The following MAPK10 variants were observed in gnomAD, a reference collection of about 807,000 sequenced individuals.
MAPK10 encodes the protein JNK3 alpha protein kinase.
A neutral mutation model predicts 59.3 loss-of-function variants in MAPK10; 25 were observed. That is an observed-to-expected ratio of 0.42 (90% CI 0.31 to 0.59). The LOEUF (loss-of-function observed/expected upper bound fraction) is 0.59. Among genes scored for constraint, MAPK10 ranks in the 20% least tolerant of loss-of-function variants. The pLI is 0.15. For missense variants in MAPK10, 351 were observed against 568.9 expected (o/e 0.62, Z 3.90); for synonymous variants, 190 against 200.5 (o/e 0.95, Z 0.44).
chr4:86,453,231 A>G (rs1750930975), upstream of MAPK10: 1 of 152,372 alleles, frequency 6.6e-6, no homozygotes, highest in Admixed American at 6.5e-5. Context: ...ATTTCAACTG[A>G]TGGAGAAGTC....
chr4:86,208,897 A>T (rs1464239523), intron 2 of MAPK10, among the ~76,000 whole-genome samples: 1 of 152,156 alleles, frequency 6.6e-6, no homozygotes, highest in African/African-American at 2.4e-5. Context: ...ACAAATCAAT[A>T]GTATCTGATA....
upstream of MAPK10, among the ~76,000 whole-genome samples, chr4:86,363,534 T>C (rs537968688): frequency 1.4e-3 from 218 of 152,346 alleles, no homozygotes; most frequent in African/African-American, 5.0e-3. Context: ...TTGGCAGTTA[T>C]AATTGTACAT....
At chr4:86,201,769 A>G (rs10034428) in intron 2 of MAPK10, among the ~76,000 whole-genome samples, 49,120 of 151,540 alleles carry the variant, frequency 0.32, 10,979 homozygotes, top group African/African-American at 0.64. Context: ...CCAGGTTCAC[A>G]GAGATATTCT....
intron 2 of MAPK10, among the ~76,000 whole-genome samples, chr4:86,233,671 A>C (rs1330638225): frequency 6.6e-6 from 1 of 152,190 alleles, no homozygotes; most frequent in Non-Finnish European, 1.5e-5. Context: ...GCAGAAGTAG[A>C]AAGATACCAC....
intron 2 of MAPK10, among the ~76,000 whole-genome samples, chr4:86,345,540 G>A (rs904495423): frequency 6.6e-6 from 1 of 152,032 alleles, no homozygotes; most frequent in Admixed American, 6.6e-5. Flanking sequence ...CAATATACTC[G>A]GTGAAACTAT....
intron 4 of MAPK10, among the ~76,000 whole-genome samples, chr4:86,145,361 C>CA (rs1166418131): frequency 0.11 from 5,602 of 53,034 alleles, 625 homozygotes; most frequent in Middle Eastern, 0.14. Flanking sequence ...GACACCGTCT[C>CA]AAAAAAAAAA....
intron 9 of MAPK10, among the ~76,000 whole-genome samples, chr4:86,088,849 T>C (rs1195937551): frequency 6.6e-6 from 1 of 152,190 alleles, no homozygotes; most frequent in Admixed American, 6.5e-5. Context: ...TCTTCAGTCT[T>C]AGAACTGAAA....
intron 2 of MAPK10, among the ~76,000 whole-genome samples, chr4:86,270,193 C>T (rs1233237785): frequency 6.6e-6 from 1 of 151,828 alleles, no homozygotes; most frequent in Non-Finnish European, 1.5e-5. Context: ...TAATTCAAAC[C>T]GGAAATTTGG....
intron 11 of MAPK10, among the ~76,000 whole-genome samples, chr4:86,038,125 T>G (rs1254494513): frequency 6.6e-6 from 1 of 152,220 alleles, no homozygotes; most frequent in Non-Finnish European, 1.5e-5. Flanking sequence ...ACAAAGTTGT[T>G]CCTTTGATTC....
chr4:86,292,451 C>T (rs149805749), intron 2 of MAPK10, among the ~76,000 whole-genome samples: 7 of 152,164 alleles, frequency 4.6e-5, no homozygotes, highest in South Asian at 2.1e-4. Flanking sequence ...CTGTGGGCTG[C>T]GCACCCTTTA....
chr4:86,052,711 T>C (rs143130057), intron 11 of MAPK10, among the ~76,000 whole-genome samples: 14 of 152,214 alleles, frequency 9.2e-5, no homozygotes, highest in African/African-American at 3.4e-4. Flanking sequence ...TTGCTGTTGT[T>C]TGAGATAGAG....
intron 1 of MAPK10, among the ~76,000 whole-genome samples, chr4:86,382,760 G>A (rs943869723): frequency 2.0e-5 from 3 of 152,116 alleles, no homozygotes; most frequent in African/African-American, 7.2e-5. Context: ...TGATTCTGCT[G>A]CTCATGAATG....
chr4:86,038,421 A>G (rs1013442762), intron 11 of MAPK10, among the ~76,000 whole-genome samples: 5 of 152,212 alleles, frequency 3.3e-5, no homozygotes, highest in Non-Finnish European at 7.3e-5. Flanking sequence ...CAAAAGATGC[A>G]TGCTTTATTA....
chr4:86,454,323 G>C (rs893427929), upstream of MAPK10, among the ~76,000 whole-genome samples: 1 of 152,158 alleles, frequency 6.6e-6, no homozygotes, highest in Non-Finnish European at 1.5e-5. Flanking sequence ...AATCAGGAAG[G>C]CACCTGAGAA....
intron 13 of MAPK10, chr4:86,020,769 G>A (rs1039300721): frequency 1.3e-5 from 2 of 154,426 alleles, no homozygotes; most frequent in African/African-American, 4.8e-5. Flanking sequence ...TGGGCTCGTG[G>A]TCTCACTGGG....
At chr4:86,441,121 A>G (rs1749370475) in intron 1 of MAPK10, among the ~76,000 whole-genome samples, 1 of 152,242 alleles carries the variant, frequency 6.6e-6, no homozygotes, top group African/African-American at 2.4e-5. Context: ...TTTCATTTGT[A>G]TAGAGAAAAC....
At chr4:86,103,143 T>G in intron 6 of MAPK10, 43 bp downstream of exon 6, 2 of 1,409,244 alleles carry the variant, frequency 1.4e-6, no homozygotes, top group Non-Finnish European at 1.0e-6. Context: ...TTGGGCTATC[T>G]GAGTGCTGTG....
At chr4:86,031,651 A>G in intron 11 of MAPK10, 1 of 456,820 alleles carries the variant, frequency 2.2e-6, no homozygotes, top group South Asian at 3.8e-5. Flanking sequence ...TTGCTGCAAT[A>G]TTTGCAGCAG....
At chr4:86,076,376 T>C (rs373363116) in intron 9 of MAPK10, among the ~76,000 whole-genome samples, 1 of 152,212 alleles carries the variant, frequency 6.6e-6, no homozygotes, top group African/African-American at 2.4e-5. Context: ...CGCTGGGAGC[T>C]GTAGACCGGA....
Sources: allele counts gnomAD v4.1 joint callset (sites outside exome capture counted in the v4.1 genomes callset), GRCh38; gene constraint gnomAD v4.1.1; transcripts MANE v1.5; gene names NCBI Gene and HGNC (gene_info 2026-07-23, HGNC 2026-07-21).